FAIM2: variants seen among roughly 807,000 people sequenced by gnomAD.
The protein encoded by FAIM2 is protein lifeguard 2.
FAIM2 carries 27 observed loss-of-function variants against 47.4 expected under a neutral mutation model. The ratio of observed to expected loss-of-function variants is 0.57; its 90% confidence interval spans 0.42 to 0.78. The LOEUF (loss-of-function observed/expected upper bound fraction) is 0.78. Ranked by LOEUF, FAIM2 falls within the 30% of genes least tolerant of loss-of-function variation. The pLI is 0.00. For missense variants in FAIM2, 311 were observed against 389.4 expected (o/e 0.80, Z 1.69); for synonymous variants, 156 against 159.3 (o/e 0.98, Z 0.16).
rs1565610146 is a variant in FAIM2, at chr12:49,868,689, T to G, written c.*1815A>C. On this transcript the variant is annotated 3_prime_UTR_variant, in exon 12 of 12. Transcript: ENST00000320634. ...ACTCGCTAGCCGTATGACCTGGGAC[T>G]CATTACCGAGCCTTTCTGAGCACCT... 6.6e-6 allele frequency: 1 copy of G among 152,258 alleles called. No individual in the cohort carries two copies. The highest frequency in any genetic ancestry group is 1.5e-5 in the Non-Finnish European group (1 of 68,122). The allele number at this position is 152,258 out of a possible 1,614,324, so 9.4% of individuals were successfully genotyped here.
rs1281167199 is a variant in FAIM2 at position 49,878,387 on chromosome 12, T to TATGTGTGTGTGTGC, written c.802-7735_802-7734insGCACACACACACAT. Among the ~76,000 whole-genome samples the TATGTGTGTGTGTGC allele has an allele frequency of 1.1e-3, 36 of 33,540 alleles. 3 individuals carry two copies. The highest frequency in any genetic ancestry group is 5.5e-3 in the African/African-American group (34 of 6,188). The allele number at this position is 33,540 out of a possible 152,430, so 22.0% of individuals were successfully genotyped here. On this transcript the variant is annotated intron_variant, in intron 11 of 11. Coordinates refer to ENST00000320634, the MANE Select transcript of FAIM2 (RefSeq NM_012306.4). ...ATATGTGGGCATGTGCATGTGTGTA[T>TATGTGTGTGTGTGC]ATGTGTGTGTCTGTGTGCATGTGAG... is the stretch of plus-strand genomic sequence containing the variant.
intron 11 of FAIM2, among the ~76,000 whole-genome samples, chr12:49,880,075 AGT>A (rs1479458697): frequency 7.9e-6 from 1 of 126,940 alleles, no homozygotes; most frequent in African/African-American, 3.1e-5. Flanking sequence ...TGTGTGCATG[AGT>A]GTATGTGTGT....
At chr12:49,890,070 C>G in intron 8 of FAIM2, 47 bp downstream of exon 8, 1 of 1,593,560 alleles carries the variant, frequency 6.3e-7, no homozygotes, top group Non-Finnish European at 8.6e-7. Context: ...GTGCCTGGCT[C>G]CAAGCCTGGC....
intron 11 of FAIM2, among the ~76,000 whole-genome samples, chr12:49,880,572 CTG>C (rs1367429230): frequency 1.8e-3 from 19 of 10,612 alleles, no homozygotes; most frequent in Non-Finnish European, 1.1e-3. Context: ...ATGTGTGTAT[CTG>C]TGCATGTGTA....
intron 11 of FAIM2, among the ~76,000 whole-genome samples, chr12:49,880,261 T>C (rs1379966830): frequency 6.6e-6 from 1 of 151,930 alleles, no homozygotes; most frequent in Non-Finnish European, 1.5e-5. Flanking sequence ...TGTGTATATG[T>C]GCGTATGTGT....
At chr12:49,881,492 G>A (rs941927189) in intron 11 of FAIM2, among the ~76,000 whole-genome samples, 1 of 152,072 alleles carries the variant, frequency 6.6e-6, no homozygotes, top group Non-Finnish European at 1.5e-5. Flanking sequence ...ACTCTGAGAT[G>A]GGGCAACCTG....
intron 1 of FAIM2, chr12:49,902,801 A>T (rs998856630): frequency 1.3e-5 from 2 of 152,082 alleles, no homozygotes; most frequent in Non-Finnish European, 2.9e-5. Flanking sequence ...CTGGACCCTA[A>T]TGCCCAGGCC....
intron 11 of FAIM2, among the ~76,000 whole-genome samples, chr12:49,879,701 T>TGAGA (rs1555158290): frequency 4.2e-5 from 1 of 23,708 alleles, no homozygotes; most frequent in Non-Finnish European, 8.2e-5. Flanking sequence ...TCTGTGTGCA[T>TGAGA]GTGTGTGTGT....
At chr12:49,898,126 C>A (rs373113315) in intron 2 of FAIM2, 36 bp from the exon 3 acceptor site, 6 of 1,504,598 alleles carry the variant, frequency 4.0e-6, no homozygotes, top group African/African-American at 2.8e-5. Context: ...CATGAGGGTT[C>A]CCCCTACATA....
chr12:49,880,312 GTA>G (rs1342272461), intron 11 of FAIM2, among the ~76,000 whole-genome samples: 2 of 146,866 alleles, frequency 1.4e-5, no homozygotes, highest in African/African-American at 5.2e-5. Context: ...GTGCATGTGT[GTA>G]TGTGTATGTG....
At chr12:49,900,199 G>A in intron 2 of FAIM2, 1 of 1,287,972 alleles carries the variant, frequency 7.8e-7, no homozygotes, top group Non-Finnish European at 1.0e-6. Context: ...GAGTCTTCAG[G>A]GGTCTGCGCC....
intron 5 of FAIM2, among the ~76,000 whole-genome samples, chr12:49,895,502 C>T (rs1946930176): frequency 6.6e-6 from 1 of 152,236 alleles, no homozygotes; most frequent in Admixed American, 6.5e-5. Flanking sequence ...AGCTGCCAGG[C>T]CATGCTGATG....
chr12:49,886,688 G>A (rs562692153), intron 11 of FAIM2, among the ~76,000 whole-genome samples: 166 of 152,196 alleles, frequency 1.1e-3, no homozygotes, highest in African/African-American at 3.9e-3. Context: ...ATGTTAGCCA[G>A]GATGGTCTTG....
Position 49,870,322 on chromosome 12 carries a change from C to T in FAIM2, c.*182G>A, listed in dbSNP as rs1946692743. 1.7e-6 allele frequency: 1 copy of T among 587,854 alleles called. No homozygotes were observed. The allele number at this position is 587,854 out of a possible 1,614,324, so 36.4% of individuals were successfully genotyped here. ...ACAGGGATTGACGTGGCCTCAGTTC[C>T]TCAGGGTCCCCATGGCGTATGTACA... On this transcript the variant is annotated 3_prime_UTR_variant, in exon 12 of 12. Coordinates refer to ENST00000320634, the MANE Select transcript of FAIM2 (RefSeq NM_012306.4).
rs1946722200 is a variant in FAIM2 at position 49,874,399 on chromosome 12, C to G, written c.802-3746G>C. On this transcript the variant is annotated intron_variant, in intron 11 of 11. Transcript: ENST00000320634. The surrounding 1 kb of genome is among the most constrained non-coding windows in gnomAD (Gnocchi z 4.2). The stretch of plus-strand genomic sequence containing the variant: ...ATGGCTGCTTATCGAGTGCCGTCTC[C>G]TATGCTGGTGGAGATAGGGGAGGAG... 6.6e-6 allele frequency among the ~76,000 whole-genome samples: 1 copy of G among 152,148 alleles called. No individual in the cohort carries two copies. Among genetic ancestry groups the G allele is most frequent in the Non-Finnish European group, 1.5e-5 (1 of 68,002 alleles).
intron 11 of FAIM2, among the ~76,000 whole-genome samples, chr12:49,886,445 T>C (rs1175419932): frequency 6.6e-6 from 1 of 152,202 alleles, no homozygotes; most frequent in Non-Finnish European, 1.5e-5. Context: ...TTGATATCTC[T>C]GAGCTTCAGT....
chr12:49,896,167 C>A (rs1946935825), intron 5 of FAIM2, among the ~76,000 whole-genome samples: 1 of 152,198 alleles, frequency 6.6e-6, no homozygotes, highest in Non-Finnish European at 1.5e-5. Flanking sequence ...ACTTTCCCTG[C>A]AGAGGCCTCC....
At chr12:49,889,326 C>T (rs1946883236) in intron 9 of FAIM2, 124 bp from the exon 10 acceptor site, 2 of 946,638 alleles carry the variant, frequency 2.1e-6, no homozygotes, top group Admixed American at 2.0e-5. Context: ...CATTCCTTCC[C>T]CTCCTCCCCC....
chr12:49,879,130 A>G (rs1194353831), intron 11 of FAIM2, among the ~76,000 whole-genome samples: 1 of 127,694 alleles, frequency 7.8e-6, no homozygotes, highest in Non-Finnish European at 1.6e-5. Context: ...ATATGTGCAT[A>G]TCTCTGCATG....
Sources: allele counts gnomAD v4.1 joint callset (sites outside exome capture counted in the v4.1 genomes callset), GRCh38; gene constraint gnomAD v4.1.1; non-coding constraint Gnocchi (gnomAD v3.1); transcripts MANE v1.5; gene names NCBI Gene and HGNC (gene_info 2026-07-23, HGNC 2026-07-21).